KCNT1: variants seen among roughly 807,000 people sequenced by gnomAD.
KCNT1 encodes potassium channel subfamily T member 1.
KCNT1 carries 78 observed loss-of-function variants against 147.8 expected under a neutral mutation model. The observed-to-expected ratio is 0.53, with a 90% CI of 0.44 to 0.64. The LOEUF (loss-of-function observed/expected upper bound fraction) is 0.64. Ranked by LOEUF, KCNT1 falls within the 30% of genes least tolerant of loss-of-function variation. KCNT1 has a pLI of 0.00. For missense variants in KCNT1, 1,419 were observed against 1,750.3 expected (o/e 0.81, Z 3.38); for synonymous variants, 867 against 748.8 (o/e 1.16, Z -2.58).
chr9:135,787,498 C>T (rs907503945), intron 29 of KCNT1, among the ~76,000 whole-genome samples: 3 of 152,334 alleles, frequency 2.0e-5, no homozygotes, highest in East Asian at 1.9e-4. Flanking sequence ...CGGAGTGCCC[C>T]GTCTCCCAAC....
intron 2 of KCNT1, chr9:135,736,548 G>T (rs1034459162): frequency 6.6e-6 from 1 of 151,170 alleles, no homozygotes; most frequent in Non-Finnish European, 1.5e-5. Context: ...CGTGGGGAGG[G>T]CGCGGCGCGA....
intron 1 of KCNT1, among the ~76,000 whole-genome samples, chr9:135,705,929 G>T (rs1835236402): frequency 6.6e-6 from 1 of 152,082 alleles, no homozygotes; most frequent in Non-Finnish European, 1.5e-5. Context: ...GGAGAGGAGG[G>T]TGGCCTCACT....
chr9:135,710,660 C>T (rs1835448493), intron 1 of KCNT1, among the ~76,000 whole-genome samples: 1 of 152,226 alleles, frequency 6.6e-6, no homozygotes, highest in South Asian at 2.1e-4. Flanking sequence ...AGAGTGTCAG[C>T]TGCTGTGGCT....
intron 1 of KCNT1, chr9:135,702,987 G>C (rs1046951273): frequency 5.2e-5 from 8 of 153,878 alleles, no homozygotes; most frequent in African/African-American, 1.9e-4. Context: ...CCTGGAGCTA[G>C]CTGTTCCCTG....
chr9:135,706,918 C>T (rs973929338), intron 1 of KCNT1, among the ~76,000 whole-genome samples: 3 of 152,032 alleles, frequency 2.0e-5, no homozygotes, highest in African/African-American at 7.2e-5. Flanking sequence ...GCCTCAGCCT[C>T]CCTAAAGTGG....
At chr9:135,765,255 C>T (rs1265421386) in intron 12 of KCNT1, 60 bp downstream of exon 12, 2 of 1,517,024 alleles carry the variant, frequency 1.3e-6, no homozygotes, top group African/African-American at 2.7e-5. Context: ...AGACGCCATC[C>T]TCTCCCCAGG....
chr9:135,751,190 A>C, intron 4 of KCNT1, 149 bp downstream of exon 4: 2 of 741,238 alleles, frequency 2.7e-6, no homozygotes, highest in Non-Finnish European at 4.5e-6. Flanking sequence ...CTGTCCCAGG[A>C]TGGAAAAAGC....
chr9:135,787,883 AC>A (rs1001934321), intron 29 of KCNT1, among the ~76,000 whole-genome samples: 2 of 151,902 alleles, frequency 1.3e-5, no homozygotes, highest in Non-Finnish European at 2.9e-5. Context: ...CGGTCTGGCC[AC>A]CCCCAGAGCT....
At chr9:135,791,422 T>A in intron 29 of KCNT1, 1 of 234,282 alleles carries the variant, frequency 4.3e-6, no homozygotes, top group Non-Finnish European at 8.5e-6. Context: ...TGCATGCATG[T>A]GAGGTGAACA....
rs747248633 is a variant in KCNT1, at chr9:135,786,214, C to G, written c.3195C>G (p.Asn1065Lys). ...CTGCCCAGTCCCAGATCTCGGTGAA[C>G]GTGGAGGACTGTGAGGACACACGGG... ...DLRAQSQISVNVEDCEDTREV... is the reference protein window; with the variant it reads ...DLRAQSQISVKVEDCEDTREV... Residue 1065 changes from asparagine (N) to lysine (K), a missense_variant, in exon 29 of 31, where the codon AAC (asparagine) becomes AAG (lysine). Physicochemically the swap from Asn to Lys is moderately conservative, Grantham distance 94. Coordinates refer to ENST00000371757, the MANE Select transcript of KCNT1 (RefSeq NM_020822.3). 6.2e-7 allele frequency: 1 copy of G among 1,609,800 alleles called. No homozygotes were observed. The highest frequency in any genetic ancestry group is 8.5e-7 in the Non-Finnish European group (1 of 1,178,332).
chr9:135,733,564 C>G (rs1421874061), intron 2 of KCNT1, among the ~76,000 whole-genome samples: 24 of 47,838 alleles, frequency 5.0e-4, no homozygotes, highest in African/African-American at 2.2e-3. Context: ...GCCCCCACAC[C>G]TGCCCTCACA....
intron 2 of KCNT1, chr9:135,736,606 G>C (rs944467665): frequency 6.6e-6 from 1 of 150,868 alleles, no homozygotes; most frequent in African/African-American, 2.4e-5. Context: ...GCCGCCCGCC[G>C]CCCGCCGCGC....
intron 12 of KCNT1, 89 bp from the exon 13 acceptor site, chr9:135,765,535 T>C: frequency 7.3e-7 from 1 of 1,375,882 alleles, no homozygotes; most frequent in African/African-American, 1.4e-5. Flanking sequence ...GGCCCAGAGG[T>C]GGTGGGCACA....
chr9:135,750,654 C>T (rs1831100803), intron 3 of KCNT1: 2 of 546,548 alleles, frequency 3.7e-6, no homozygotes, highest in African/African-American at 3.8e-5. Context: ...CCTGCCTGCT[C>T]CCCAATCCCT....
chr9:135,772,785 C>A lies in KCNT1; in HGVS notation c.2079C>A (p.Ser693Arg). ...PTQSGGGGGG[S>R]KLALPTENGS... ...AGAGCGGCGGTGGGGGCGGGGGCAGCAAGCTGGCACTGCCCACGGAGAACG... is the reference window on the plus strand; with the variant it reads ...AGAGCGGCGGTGGGGGCGGGGGCAGAAAGCTGGCACTGCCCACGGAGAACG... Residue 693 changes from serine to arginine, a missense_variant, in exon 19 of 31, where the codon AGC (serine) becomes AGA (arginine). Physicochemically the swap from Ser to Arg is moderately radical, Grantham distance 110. This residue lies in a region of KCNT1 where 284 missense variants were observed against 292.8 expected (regional missense o/e 0.97). Transcript: ENST00000371757. 1 of 1,492,166 alleles carries A rather than the reference C, an allele frequency of 6.7e-7. No homozygotes were observed. Among genetic ancestry groups the A allele is most frequent in the Non-Finnish European group, 8.9e-7 (1 of 1,118,838 alleles). The allele number at this position is 1,492,166 out of a possible 1,614,324, so 92.4% of individuals were successfully genotyped here.
chr9:135,711,045 G>T (rs1275134929), intron 1 of KCNT1, among the ~76,000 whole-genome samples: 3 of 152,162 alleles, frequency 2.0e-5, no homozygotes, highest in Admixed American at 1.3e-4. Flanking sequence ...TTCCGTATTT[G>T]CTCTAGTAGG....
In KCNT1 at chr9:135,752,344, C is replaced by T. The variant is rs1233680762; in HGVS notation, c.434+1303C>T. 1 of 456,392 alleles carries T rather than the reference C, an allele frequency of 2.2e-6. No homozygotes were observed. The highest frequency in any genetic ancestry group is 6.9e-5 in the East Asian group (1 of 14,392). 28.3% of individuals were successfully genotyped at this position (456,392 alleles called of 1,614,324 possible). A position where few individuals can be genotyped will look rare whatever the true frequency, so the allele number is the denominator to read the frequency against. On this transcript the variant is annotated intron_variant, in intron 4 of 30. Transcript: ENST00000371757. This position sits in a 1 kb window ranked among gnomAD's most constrained non-coding sequence, Gnocchi z 5.1. The stretch of plus-strand genomic sequence containing the variant: ...TGGCATCCCCAGGCCAGAGACTTTC[C>T]CTCTCCTAAGAATGAACCTCCTGTC...
At chr9:135,758,007 C>T (rs1017256790) in intron 9 of KCNT1, among the ~76,000 whole-genome samples, 3 of 152,252 alleles carry the variant, frequency 2.0e-5, no homozygotes, top group African/African-American at 4.8e-5. Context: ...AAGATGGGGA[C>T]CCGTCCTGAG....
rs1831393186 is a variant in KCNT1 at position 135,755,044 on chromosome 9, A to AT, written c.492-76dup. 3.6e-6 allele frequency: 5 copies of AT among 1,379,294 alleles called. No homozygotes were observed. In the African/African-American group the frequency reaches 7.3e-5, roughly 20 times the overall value. 85.4% of individuals were successfully genotyped at this position (1,379,294 alleles called of 1,614,324 possible). A position where few individuals can be genotyped will look rare whatever the true frequency, so the allele number is the denominator to read the frequency against. On this transcript the variant is annotated intron_variant, in intron 5 of 30. Transcript: ENST00000371757. ...TTGGGGCCAGTGGAGGCCAATGGTT[A>AT]TGGCCCCAGCCCCAGGGTGGCTGGG...
Sources: gnomAD v4.1 joint callset for allele counts (sites outside exome capture counted in the v4.1 genomes callset) on GRCh38, gnomAD v4.1.1 for gene constraint, gnomAD v4.1.1 regional missense constraint, Gnocchi (gnomAD v3.1) non-coding constraint, MANE v1.5 for transcripts, NCBI Gene and HGNC (gene_info 2026-07-23, HGNC 2026-07-21) for gene names.